Variants in C1orf146 observed in about 807,000 individuals in gnomAD.
C1orf146 encodes the protein protein SPO16 homolog.
In C1orf146, 22 loss-of-function variants were observed where a neutral mutation model predicts 23.0. That is an observed-to-expected ratio of 0.96 (90% confidence interval 0.68 to 1.36). The LOEUF (loss-of-function observed/expected upper bound fraction) is 1.36, where lower values mean the gene tolerates loss of function less well. C1orf146 is among the 40% of genes most tolerant of loss of function. The pLI is 0.00. For missense variants in C1orf146, 199 were observed against 206.8 expected (o/e 0.96, Z 0.23); for synonymous variants, 59 against 65.3 (o/e 0.90, Z 0.47).
intron 2 of C1orf146, among the ~76,000 whole-genome samples, chr1:92,239,006 C>T (rs1652365191): frequency 6.6e-6 from 1 of 152,160 alleles, no homozygotes; most frequent in Admixed American, 6.5e-5. Context: ...CAATCCATTG[C>T]CTTGGCCTCC....
intron 1 of C1orf146, among the ~76,000 whole-genome samples, chr1:92,219,595 C>G: frequency 6.7e-6 from 1 of 148,486 alleles, no homozygotes; most frequent in East Asian, 2.1e-4. Context: ...CCTCCACCTC[C>G]TGGGTGTGCA....
At chr1:92,220,574 T>TA (rs995599532) in intron 1 of C1orf146, among the ~76,000 whole-genome samples, 1 of 152,098 alleles carries the variant, frequency 6.6e-6, no homozygotes, top group South Asian at 2.1e-4. Flanking sequence ...TATCTAAATG[T>TA]AAAAAAAGTA....
At chr1:92,230,480 G>A (rs1008412456) in intron 1 of C1orf146, among the ~76,000 whole-genome samples, 2 of 151,994 alleles carry the variant, frequency 1.3e-5, no homozygotes, top group African/African-American at 4.8e-5. Context: ...GCTGGGTGTG[G>A]TGGGGGGCGC....
chr1:92,229,616 A>G (rs1372322510), intron 1 of C1orf146, among the ~76,000 whole-genome samples: 1 of 152,232 alleles, frequency 6.6e-6, no homozygotes, highest in Non-Finnish European at 1.5e-5. Context: ...ATGGCTGCCC[A>G]GGAAGATTTC....
chr1:92,235,090 T>G (rs1041994472), intron 2 of C1orf146, among the ~76,000 whole-genome samples: 3 of 152,104 alleles, frequency 2.0e-5, no homozygotes, highest in Admixed American at 6.5e-5. Context: ...TTTGAAGGGT[T>G]TTTTGTGTCT....
intron 4 of C1orf146, 28 bp downstream of exon 4, chr1:92,244,413 T>C (rs1223865226): frequency 7.9e-6 from 12 of 1,512,832 alleles, no homozygotes; most frequent in South Asian, 1.3e-5. Flanking sequence ...TATAGACTTA[T>C]TTTTCTTATA....
At chr1:92,225,258 A>G (rs1023637612) in intron 1 of C1orf146, among the ~76,000 whole-genome samples, 8 of 151,968 alleles carry the variant, frequency 5.3e-5, no homozygotes, top group African/African-American at 1.7e-4. Flanking sequence ...GTTGTGTGCC[A>G]CCATACCCAG....
chr1:92,239,866 C>T (rs1388152824), intron 2 of C1orf146, among the ~76,000 whole-genome samples: 1 of 152,074 alleles, frequency 6.6e-6, no homozygotes, highest in East Asian at 1.9e-4. Context: ...TCACATTTAA[C>T]TGAGTGTTGT....
At chr1:92,236,327 T>A (rs1652275406) in intron 2 of C1orf146, among the ~76,000 whole-genome samples, 1 of 152,168 alleles carries the variant, frequency 6.6e-6, no homozygotes, top group Non-Finnish European at 1.5e-5. Flanking sequence ...CTCTCAGCAT[T>A]TGCTTGTCTG....
intron 3 of C1orf146, among the ~76,000 whole-genome samples, chr1:92,243,709 C>T (rs1478072980): frequency 1.3e-5 from 2 of 152,102 alleles, no homozygotes; most frequent in Non-Finnish European, 2.9e-5. Context: ...TTAATAAGAG[C>T]CTCTTGGTTG....
intron 2 of C1orf146, among the ~76,000 whole-genome samples, chr1:92,234,342 G>T (rs796316009): frequency 7.0e-6 from 1 of 142,832 alleles, no homozygotes. Flanking sequence ...TTTTGTCAAA[G>T]ACCTTTTCTG....
In C1orf146 at chr1:92,244,253, TTC is replaced by T; in HGVS notation, c.199_200del (p.Leu67ValfsTer3). 2 of 1,603,080 alleles carry T rather than the reference TTC, an allele frequency of 1.2e-6. No homozygotes were observed. Among genetic ancestry groups the T allele is most frequent in the African/African-American group, 1.3e-5 (1 of 74,572 alleles). On this transcript the variant is annotated frameshift_variant, in exon 4 of 6. Coordinates refer to ENST00000370375, the MANE Select transcript of C1orf146 (RefSeq NM_001012425.2). LOFTEE classifies it high-confidence loss of function. ...TTATTAATGGATACTAAGGAATGTC[TTC>T]TGTCAACTGAAGAAATATTTCTAGC...
chr1:92,229,002 T>G (rs1404151273), intron 1 of C1orf146: 1 of 468,166 alleles, frequency 2.1e-6, no homozygotes, highest in Non-Finnish European at 4.2e-6. Flanking sequence ...ATGCATCTGC[T>G]CACAGTCTAT....
intron 1 of C1orf146, among the ~76,000 whole-genome samples, chr1:92,227,630 C>T (rs1050349767): frequency 1.3e-5 from 2 of 152,078 alleles, no homozygotes; most frequent in Non-Finnish European, 2.9e-5. Context: ...TTATTTTTGT[C>T]ATAAAATTTT....
At chr1:92,225,099 C>G (rs1236191667) in intron 1 of C1orf146, among the ~76,000 whole-genome samples, 1 of 142,554 alleles carries the variant, frequency 7.0e-6, no homozygotes. Context: ...TCTTCTTTTC[C>G]GGTTTAGCCT....
intron 4 of C1orf146, 112 bp downstream of exon 4, chr1:92,244,497 C>T: frequency 1.2e-6 from 1 of 828,658 alleles, no homozygotes; most frequent in Non-Finnish European, 1.9e-6. Context: ...TGATGTTAAC[C>T]TATCAAATTT....
intron 1 of C1orf146, among the ~76,000 whole-genome samples, chr1:92,222,557 T>TG (rs1378998018): frequency 4.0e-4 from 48 of 120,484 alleles, no homozygotes; most frequent in Non-Finnish European, 6.6e-4. Flanking sequence ...TTTTTTTTTT[T>TG]GTCACTATAG....
chr1:92,222,657 G>T (rs1388834853), intron 1 of C1orf146, among the ~76,000 whole-genome samples: 48 of 149,364 alleles, frequency 3.2e-4, no homozygotes, highest in South Asian at 8.5e-4. Flanking sequence ...CGCCATCTTG[G>T]CTCACTGCAA....
Position 92,244,309 on chromosome 1 carries a change from C to G in C1orf146, c.253C>G (p.Gln85Glu). The stretch of plus-strand genomic sequence containing the variant: ...AATTGAGAAATTTATTAACATTCAC[C>G]AAAATAGTTTTTTGGTTTTGTCTGC... ...AKIEKFINIHQNSFLVLSAAL... is the reference protein window; with the variant it reads ...AKIEKFINIHENSFLVLSAAL... Residue 85 changes from glutamine to glutamate, a missense_variant, in exon 4 of 6, where the codon CAA (glutamine) becomes GAA (glutamate). Gln to Glu is a conservative substitution (Grantham distance 29). Transcript: ENST00000370375. 6.2e-7 allele frequency: 1 copy of G among 1,611,856 alleles called. No individual in the cohort carries two copies. The highest frequency in any genetic ancestry group is 8.5e-7 in the Non-Finnish European group (1 of 1,178,468).
Sources: gnomAD v4.1 joint callset for allele counts (sites outside exome capture counted in the v4.1 genomes callset) on GRCh38, gnomAD v4.1.1 for gene constraint, MANE v1.5 for transcripts, NCBI Gene and HGNC (gene_info 2026-07-23, HGNC 2026-07-21) for gene names.